The following HIBCH variants were observed in gnomAD, a reference collection of about 807,000 sequenced individuals.
HIBCH encodes the protein 3-hydroxyisobutyryl-CoA hydrolase, mitochondrial.
HIBCH carries 50 observed loss-of-function variants against 58.2 expected under a neutral mutation model. The ratio of observed to expected loss-of-function variants is 0.86; its 90% CI spans 0.68 to 1.09. The LOEUF (loss-of-function observed/expected upper bound fraction) is 1.09. Ranked by LOEUF, HIBCH falls within the 50% of genes least tolerant of loss-of-function variation. The pLI is 0.00. For missense variants in HIBCH, 450 were observed against 449.7 expected (o/e 1.00, Z -0.01); for synonymous variants, 151 against 146.9 (o/e 1.03, Z -0.20).
In HIBCH at chr2:190,296,782, T is replaced by A. The variant is rs1225097629; in HGVS notation, c.219+31A>T. 1.1e-5 allele frequency: 17 copies of A among 1,572,498 alleles called. No individual in the cohort carries two copies. In the South Asian group the frequency reaches 1.7e-4, roughly 15 times the overall value. On this transcript the variant is annotated intron_variant, in intron 3 of 13. Transcript: ENST00000359678. ...CTATTATGATATACTTTGAAAAGAA[T>A]CCATATAATTGCAATAAGAAAATTA...
In HIBCH at chr2:190,197,583, T is replaced by C. The variant is rs969991086; in HGVS notation, c.*17+7517A>G. ...CATCAGAGTTGCCACTCTCTGACTC[T>C]CCTGGGGCTCAACTCCCACGGTAAT... On this transcript the variant is annotated intron_variant, in intron 1 of 1. Coordinates refer to the HIBCH transcript ENST00000399855. The surrounding 1 kb of genome is among the most constrained non-coding windows in gnomAD (Gnocchi z 4.0). 6.6e-6 allele frequency among the ~76,000 whole-genome samples: 1 copy of C among 152,180 alleles called. No individual in the cohort carries two copies. The highest frequency in any genetic ancestry group is 2.4e-5 in the African/African-American group (1 of 41,438).
chr2:190,269,725 T>C (rs1038414915), intron 6 of HIBCH, among the ~76,000 whole-genome samples: 18 of 152,200 alleles, frequency 1.2e-4, no homozygotes, highest in African/African-American at 4.3e-4. Context: ...TTACTGGGTA[T>C]ATACCCAAAG....
Position 190,243,794 on chromosome 2 carries a change from C to T in HIBCH, c.891+1093G>A, listed in dbSNP as rs1048680433. Among the ~76,000 whole-genome samples, 6 of 152,002 alleles carry T rather than the reference C, an allele frequency of 3.9e-5. No homozygotes were observed. Among genetic ancestry groups the T allele is most frequent in the African/African-American group, 7.2e-5 (3 of 41,382 alleles). ...ACCAGTCTGGCCAACATGGTGAAAC[C>T]TTGTCTCTACAAAAAAATACAAAAA... is the stretch of plus-strand genomic sequence containing the variant. On this transcript the variant is annotated intron_variant, in intron 11 of 13. Coordinates refer to ENST00000359678, the MANE Select transcript of HIBCH (RefSeq NM_014362.4). This position sits in a 1 kb window ranked among gnomAD's most constrained non-coding sequence, Gnocchi z 4.1.
intron 5 of HIBCH, 27 bp from the exon 6 acceptor site, chr2:190,287,665 GT>G: frequency 6.5e-7 from 1 of 1,546,522 alleles, no homozygotes; most frequent in Non-Finnish European, 8.9e-7. Context: ...TGTAATTTTA[GT>G]TACAGTGTTT....
At chr2:190,302,463 C>G (rs921116807) in intron 2 of HIBCH, among the ~76,000 whole-genome samples, 1 of 152,140 alleles carries the variant, frequency 6.6e-6, no homozygotes, top group African/African-American at 2.4e-5. Flanking sequence ...TGTGCAGCCT[C>G]CCTACATAGA....
chr2:190,313,592 C>T (rs1688614077), intron 1 of HIBCH, among the ~76,000 whole-genome samples: 2 of 147,386 alleles, frequency 1.4e-5, no homozygotes, highest in African/African-American at 5.0e-5. Flanking sequence ...TTGCAGTGAG[C>T]CGAGATTGTG....
Position 190,211,816 on chromosome 2 carries a change from A to G in HIBCH, c.1011+1140T>C, listed in dbSNP as rs535821601. Among the ~76,000 whole-genome samples, 2 of 152,356 alleles carry G rather than the reference A, an allele frequency of 1.3e-5. No homozygotes were observed. Among genetic ancestry groups the G allele is most frequent in the East Asian group, 3.9e-4 (2 of 5,194 alleles). ...AAGGACTGTGTCTTCTTATTCAACA[A>G]TATAAGGCTAACACTGAGCACAGTG... On this transcript the variant is annotated intron_variant, in intron 12 of 13. Coordinates refer to ENST00000359678, the MANE Select transcript of HIBCH (RefSeq NM_014362.4). The surrounding 1 kb of genome is among the most constrained non-coding windows in gnomAD (Gnocchi z 5.0).
chr2:190,192,629 T>C (rs1689769508), intron 1 of HIBCH, among the ~76,000 whole-genome samples: 1 of 152,124 alleles, frequency 6.6e-6, no homozygotes, highest in African/African-American at 2.4e-5. Flanking sequence ...ACTAAGAATA[T>C]TGTCTTTCAG....
intron 2 of HIBCH, among the ~76,000 whole-genome samples, chr2:190,310,287 G>A (rs897771503): frequency 3.3e-5 from 5 of 152,194 alleles, no homozygotes; most frequent in South Asian, 2.1e-4. Context: ...CTCAATTTGC[G>A]GACGGCCTAT....
chr2:190,232,063 C>T (rs1397927204), intron 11 of HIBCH, among the ~76,000 whole-genome samples: 4 of 151,956 alleles, frequency 2.6e-5, no homozygotes, highest in Non-Finnish European at 4.4e-5. Flanking sequence ...GGCATGGTGG[C>T]GGGTGCCTGT....
intron 11 of HIBCH, among the ~76,000 whole-genome samples, chr2:190,233,391 T>C (rs781125111): frequency 9.9e-5 from 15 of 152,132 alleles, no homozygotes; most frequent in Non-Finnish European, 1.9e-4. Flanking sequence ...TTGAATCACA[T>C]GGGCAGATCT....
chr2:190,262,326 G>T (rs747873665), intron 6 of HIBCH, among the ~76,000 whole-genome samples: 35 of 152,096 alleles, frequency 2.3e-4, no homozygotes, highest in Non-Finnish European at 8.8e-5. Context: ...CAATTTTCAG[G>T]AACATAAGCA....
At chr2:190,199,817 A>T (rs369024811), downstream of HIBCH, 5 of 1,596,062 alleles carry the variant, frequency 3.1e-6, no homozygotes, top group African/African-American at 6.7e-5. Flanking sequence ...ATGGCCTGGA[A>T]GTAGTCTTTG....
chr2:190,193,092 A>G (rs776979260), intron 1 of HIBCH, among the ~76,000 whole-genome samples: 14 of 152,162 alleles, frequency 9.2e-5, no homozygotes, highest in Non-Finnish European at 1.3e-4. Context: ...TCATAGGGAA[A>G]AAGTGTTGTC....
At chr2:190,208,312 G>A (rs1319896714) in intron 13 of HIBCH, among the ~76,000 whole-genome samples, 1 of 152,114 alleles carries the variant, frequency 6.6e-6, no homozygotes, top group Admixed American at 6.5e-5. Flanking sequence ...AAAGGGTAGG[G>A]GATTTGAGGG....
downstream of HIBCH, chr2:190,200,254 ATG>A (rs1177293165): frequency 2.2e-6 from 2 of 900,252 alleles, no homozygotes; most frequent in Non-Finnish European, 3.5e-6. Context: ...GGATTTAAAA[ATG>A]TGTCTACGAT....
chr2:190,313,250 A>G (rs530312775), intron 1 of HIBCH, among the ~76,000 whole-genome samples: 1 of 151,654 alleles, frequency 6.6e-6, no homozygotes, highest in East Asian at 1.9e-4. Context: ...TAAAAATGTT[A>G]TTGCTTCCTT....
At chr2:190,269,409 T>C (rs1687327017) in intron 6 of HIBCH, among the ~76,000 whole-genome samples, 1 of 151,168 alleles carries the variant, frequency 6.6e-6, no homozygotes, top group Admixed American at 6.6e-5. Flanking sequence ...AAAAAGTGGG[T>C]GAAGGATATG....
intron 2 of HIBCH, among the ~76,000 whole-genome samples, chr2:190,309,154 A>G (rs780881387): frequency 4.6e-5 from 7 of 152,214 alleles, no homozygotes; most frequent in South Asian, 2.1e-4. Context: ...GCACCAAACC[A>G]TAAGTGTTTA....
Sources: allele counts gnomAD v4.1 joint callset (sites outside exome capture counted in the v4.1 genomes callset), GRCh38; gene constraint gnomAD v4.1.1; non-coding constraint Gnocchi (gnomAD v3.1); transcripts MANE v1.5; gene names NCBI Gene and HGNC (gene_info 2026-07-23, HGNC 2026-07-21).